TTC29: variants seen among roughly 807,000 people sequenced by gnomAD.
TTC29 encodes tetratricopeptide repeat domain 29.
Under a neutral mutation model 58.1 loss-of-function variants are expected in TTC29, and 49 were observed. That is an observed-to-expected ratio of 0.84 (90% CI 0.67 to 1.07). The LOEUF is 1.07. Among genes scored for constraint, TTC29 ranks in the 50% least tolerant of loss-of-function variants. The pLI is 0.00. For missense variants in TTC29, 582 were observed against 555.6 expected (o/e 1.05, Z -0.48); for synonymous variants, 209 against 196.8 (o/e 1.06, Z -0.52).
chr4:146,915,715 T>C (rs994438780), intron 4 of TTC29, among the ~76,000 whole-genome samples: 12 of 152,188 alleles, frequency 7.9e-5, no homozygotes, highest in Non-Finnish European at 1.5e-4. Flanking sequence ...ATTAGGTGAA[T>C]TTTTAAAATC....
At chr4:146,790,273 C>T (rs1245228921) in intron 11 of TTC29, among the ~76,000 whole-genome samples, 2 of 151,762 alleles carry the variant, frequency 1.3e-5, no homozygotes, top group Non-Finnish European at 2.9e-5. Flanking sequence ...TCTGCAAGCT[C>T]TGCCTCCCAG....
chr4:146,836,270 G>A (rs1033600419), intron 8 of TTC29, among the ~76,000 whole-genome samples: 1 of 152,120 alleles, frequency 6.6e-6, no homozygotes, highest in African/African-American at 2.4e-5. Flanking sequence ...CTTTTTTGTG[G>A]TTTGAGAGAG....
intron 11 of TTC29, among the ~76,000 whole-genome samples, chr4:146,798,856 T>G (rs1228220034): frequency 3.3e-5 from 4 of 119,830 alleles, no homozygotes; most frequent in Admixed American, 1.3e-4. Flanking sequence ...CGCTGCACTC[T>G]AGCCTGGGTG....
At chr4:146,934,020 T>TGGAGAGAA (rs1326465718) in intron 4 of TTC29, 1 of 151,958 alleles carries the variant, frequency 6.6e-6, no homozygotes, top group East Asian at 1.9e-4. Context: ...TAGAGAGTGG[T>TGGAGAGAA]GGAGAGAAAG....
chr4:146,929,306 A>G (rs1432105565), intron 4 of TTC29, among the ~76,000 whole-genome samples: 1 of 152,206 alleles, frequency 6.6e-6, no homozygotes, highest in Non-Finnish European at 1.5e-5. Flanking sequence ...ATTTCAACAC[A>G]ATGTAAATAC....
At chr4:146,804,006 C>T (rs1579712003) in intron 10 of TTC29, among the ~76,000 whole-genome samples, 1 of 152,274 alleles carries the variant, frequency 6.6e-6, no homozygotes, top group South Asian at 2.1e-4. Flanking sequence ...GTGAGCTCAA[C>T]ACAGAAGGCA....
At chr4:146,921,628 G>A (rs1734586030) in intron 4 of TTC29, among the ~76,000 whole-genome samples, 1 of 150,726 alleles carries the variant, frequency 6.6e-6, no homozygotes, top group Non-Finnish European at 1.5e-5. Flanking sequence ...AAATATAGCA[G>A]GTGGGAAACA....
chr4:146,816,781 A>G (rs1751437812), intron 10 of TTC29, among the ~76,000 whole-genome samples: 1 of 152,210 alleles, frequency 6.6e-6, no homozygotes, highest in South Asian at 2.1e-4. Flanking sequence ...CTATATCAGG[A>G]ACTAAAGAAA....
At chr4:146,847,228 G>A (rs1010130248) in intron 8 of TTC29, among the ~76,000 whole-genome samples, 4 of 152,108 alleles carry the variant, frequency 2.6e-5, no homozygotes, top group African/African-American at 9.7e-5. Flanking sequence ...ATAAATGTCT[G>A]GGATCTTAGG....
intron 11 of TTC29, among the ~76,000 whole-genome samples, chr4:146,729,399 A>G (rs945158305): frequency 6.6e-6 from 1 of 151,784 alleles, no homozygotes; most frequent in Non-Finnish European, 1.5e-5. Flanking sequence ...AAGGAGATAA[A>G]CTCTTTGTGA....
At chr4:146,903,849 T>TA (rs1733332485) in intron 5 of TTC29, 120 bp from the exon 6 acceptor site, 1 of 707,888 alleles carries the variant, frequency 1.4e-6, no homozygotes, top group African/African-American at 1.9e-5. Context: ...TTACCAATTT[T>TA]AAAAATTGGG....
intron 8 of TTC29, among the ~76,000 whole-genome samples, chr4:146,849,765 C>G (rs187109933): frequency 4.6e-5 from 7 of 152,272 alleles, no homozygotes; most frequent in Admixed American, 3.3e-4. Flanking sequence ...TTTTCTCCAG[C>G]CTTACTGGCT....
chr4:146,720,801 C>G (rs1213075103), intron 11 of TTC29, among the ~76,000 whole-genome samples: 2 of 152,040 alleles, frequency 1.3e-5, no homozygotes, highest in African/African-American at 4.8e-5. Context: ...CAGAATGATG[C>G]AAGTTTAAAA....
intron 11 of TTC29, among the ~76,000 whole-genome samples, chr4:146,725,061 T>C (rs1422090948): frequency 1.3e-5 from 2 of 152,308 alleles, no homozygotes; most frequent in East Asian, 3.9e-4. Flanking sequence ...TTATCCTTTC[T>C]ACTCAAATAA....
chr4:146,942,544 G>T, intron 2 of TTC29: 1 of 1,357,234 alleles, frequency 7.4e-7, no homozygotes, highest in Non-Finnish European at 1.0e-6. Flanking sequence ...AGGTTTGAAG[G>T]GACACCAAAG....
In TTC29 at chr4:146,847,833, C is replaced by T. The variant is rs369716740; in HGVS notation, c.886-13936G>A. ...CCAGATGTCTGAGTTGCTTTTATCA[C>T]GCAGCGTGTCTTCACTCGCATACCT... On this transcript the variant is annotated intron_variant, in intron 8 of 12. Coordinates refer to ENST00000325106, the MANE Select transcript of TTC29 (RefSeq NM_031956.4). Among the ~76,000 whole-genome samples the T allele has an allele frequency of 9.8e-5, 15 of 152,286 alleles. No homozygotes were observed. In the South Asian group the frequency reaches 2.7e-3, roughly 27 times the overall value.
intron 8 of TTC29, among the ~76,000 whole-genome samples, chr4:146,860,358 T>A (rs1034230487): frequency 6.6e-6 from 1 of 152,160 alleles, no homozygotes; most frequent in Non-Finnish European, 1.5e-5. Flanking sequence ...ACTAAGGATA[T>A]ATTATTTTAC....
At chr4:146,786,503 T>G (rs1749025831) in intron 11 of TTC29, among the ~76,000 whole-genome samples, 1 of 152,194 alleles carries the variant, frequency 6.6e-6, no homozygotes, top group Non-Finnish European at 1.5e-5. Flanking sequence ...TTTCCAGATA[T>G]TCTCCCCTGC....
At chr4:146,891,181 T>C (rs1055436018) in intron 6 of TTC29, among the ~76,000 whole-genome samples, 1 of 152,154 alleles carries the variant, frequency 6.6e-6, no homozygotes, top group Non-Finnish European at 1.5e-5. Flanking sequence ...TGCCTAGAGG[T>C]TTGTCCTGAT....
Sources: allele counts gnomAD v4.1 joint callset (sites outside exome capture counted in the v4.1 genomes callset), GRCh38; gene constraint gnomAD v4.1.1; transcripts MANE v1.5; gene names NCBI Gene and HGNC (gene_info 2026-07-23, HGNC 2026-07-21).